Variants in CEP20 observed in about 807,000 individuals in gnomAD.
CEP20 encodes centrosomal protein 20.
Under a neutral mutation model 20.0 loss-of-function variants are expected in CEP20, and 18 were observed. The ratio of observed to expected loss-of-function variants is 0.90; its 90% CI spans 0.62 to 1.34. The LOEUF (loss-of-function observed/expected upper bound fraction) is 1.34, where lower values mean the gene tolerates loss of function less well. Ranked by LOEUF, CEP20 falls within the 40% of genes most tolerant of loss-of-function variation. The pLI, the probability that CEP20 is intolerant of heterozygous loss-of-function variation, is 0.00. For synonymous variants in CEP20, 77 were observed against 73.7 expected (o/e 1.04, Z -0.23); for missense variants, 215 against 201.6 (o/e 1.07, Z -0.40).
intron 1 of CEP20, chr16:15,885,101 T>G (rs75940257): frequency 0.18 from 26,774 of 151,352 alleles, 2,267 homozygotes; most frequent in East Asian, 0.22. Flanking sequence ...ATCAGCAAAT[T>G]GAGACCATCT....
At chr16:15,883,522 T>A (rs1423687583) in intron 2 of CEP20, among the ~76,000 whole-genome samples, 1 of 151,956 alleles carries the variant, frequency 6.6e-6, no homozygotes, top group African/African-American at 2.4e-5. Flanking sequence ...CGTGCCACCA[T>A]GCATGGCTAA....
At chr16:15,879,272 G>GTTT (rs55646344) in intron 3 of CEP20, among the ~76,000 whole-genome samples, 20 of 151,776 alleles carry the variant, frequency 1.3e-4, no homozygotes, top group African/African-American at 4.8e-4. Flanking sequence ...TTTTGTTTTT[G>GTTT]TTTTAGGAGA....
chr16:15,888,371 T>C (rs967975337), intron 1 of CEP20, among the ~76,000 whole-genome samples, 187 bp downstream of exon 1: 5 of 152,170 alleles, frequency 3.3e-5, no homozygotes, highest in Admixed American at 6.5e-5. Flanking sequence ...GGGCAACCTC[T>C]TCCCCATAAG....
Position 15,867,358 on chromosome 16 carries a change from G to A in CEP20, c.*82C>T. On this transcript the variant is annotated 3_prime_UTR_variant, in exon 5 of 5. Transcript: ENST00000255759. ...TCCAATTTCTACAAACATTAGTGGT[G>A]CATTTTGGTAACATTGGGACAATAA... is the stretch of plus-strand genomic sequence containing the variant. The A allele has an allele frequency of 2.0e-6, 2 of 1,016,454 alleles. No individual in the cohort carries two copies. The highest frequency in any genetic ancestry group is 1.4e-6 in the Non-Finnish European group (1 of 726,622). 63.0% of individuals were successfully genotyped at this position (1,016,454 alleles called of 1,614,324 possible). A position where few individuals can be genotyped will look rare whatever the true frequency, so the allele number is the denominator to read the frequency against.
chr16:15,882,194 A>G (rs1313774564), intron 2 of CEP20, among the ~76,000 whole-genome samples: 4 of 152,216 alleles, frequency 2.6e-5, no homozygotes, highest in Admixed American at 6.5e-5. Context: ...CCCAGAAGCT[A>G]AGCAGATGCC....
chr16:15,869,775 T>C (rs762335507), intron 4 of CEP20, among the ~76,000 whole-genome samples: 3 of 152,084 alleles, frequency 2.0e-5, no homozygotes, highest in East Asian at 1.9e-4. Flanking sequence ...TAAGCTAGAG[T>C]TGAGGAAGTA....
Position 15,873,616 on chromosome 16 carries a change from T to C in CEP20, c.323A>G (p.Tyr108Cys). 4 of 1,613,518 alleles carry C rather than the reference T, an allele frequency of 2.5e-6. No homozygotes were observed. The highest frequency in any genetic ancestry group is 3.4e-6 in the Non-Finnish European group (4 of 1,179,706). ...ACGCAAGAAATGGGCTAAAATCCCA[T>C]ATAAAAGAGGTCTATAGCAGGAAGA... is the stretch of plus-strand genomic sequence containing the variant. ...ESKDNTIPLL[Y>C]GILAHFLRGT... The change falls in exon 4 of 5, where the codon TAT (tyrosine) becomes TGT (cysteine). Residue 108 changes from tyrosine (Y) to cysteine (C), a missense_variant. Physicochemically the swap from Tyr to Cys is radical, Grantham distance 194 (BLOSUM62 -2). Coordinates refer to ENST00000255759, the MANE Select transcript of CEP20 (RefSeq NM_144600.4).
chr16:15,886,691 G>A (rs989706531), intron 1 of CEP20, among the ~76,000 whole-genome samples: 2 of 152,074 alleles, frequency 1.3e-5, no homozygotes, highest in African/African-American at 4.8e-5. Flanking sequence ...CAAGTAAGAA[G>A]GAAAAACGTG....
intron 4 of CEP20, among the ~76,000 whole-genome samples, chr16:15,870,194 T>C (rs1464623452): frequency 1.5e-5 from 2 of 132,782 alleles, no homozygotes; most frequent in African/African-American, 2.8e-5. Context: ...TCATGAGCCG[T>C]GAGTATTAAC....
chr16:15,887,219 G>T (rs2045266600), intron 1 of CEP20, among the ~76,000 whole-genome samples: 1 of 152,086 alleles, frequency 6.6e-6, no homozygotes. Flanking sequence ...TAAATCCTCT[G>T]AAAATGTATG....
chr16:15,878,801 A>C (rs1321780170), intron 3 of CEP20, among the ~76,000 whole-genome samples: 1 of 152,116 alleles, frequency 6.6e-6, no homozygotes, highest in Non-Finnish European at 1.5e-5. Flanking sequence ...GTCTGGCTAG[A>C]GATGGGGTTT....
rs760941095 is a variant in CEP20 at position 15,884,212 on chromosome 16, G to T, written c.29-7C>A. ...TCCAAGGTGTCCTTTAAAACTGTTC[G>T]ATATAAAATATTAAGGCTTCAGTTA... On this transcript the variant is annotated splice_region_variant and splice_polypyrimidine_tract_variant and intron_variant, in intron 1 of 4. Coordinates refer to ENST00000255759, the MANE Select transcript of CEP20 (RefSeq NM_144600.4). The T allele has an allele frequency of 3.1e-6, 5 of 1,588,812 alleles. No homozygotes were observed. The highest frequency in any genetic ancestry group is 4.3e-6 in the Non-Finnish European group (5 of 1,164,534).
intron 4 of CEP20, among the ~76,000 whole-genome samples, chr16:15,869,095 A>ATG (rs34963300): frequency 0.26 from 38,741 of 149,998 alleles, 5,139 homozygotes; most frequent in East Asian, 0.39. Flanking sequence ...AAGAAAAAAA[A>ATG]TGTGTGTGTG....
intron 4 of CEP20, among the ~76,000 whole-genome samples, chr16:15,867,938 A>G (rs969350621): frequency 7.0e-6 from 1 of 143,694 alleles, no homozygotes; most frequent in South Asian, 2.2e-4. Flanking sequence ...GTGCCATTTC[A>G]CTCCAGCCTG....
At chr16:15,888,125 T>C (rs2151435675) in intron 1 of CEP20, among the ~76,000 whole-genome samples, 1 of 150,256 alleles carries the variant, frequency 6.7e-6, no homozygotes, top group Admixed American at 6.6e-5. Context: ...AACAGGTTGT[T>C]GTAAGGACCC....
At chr16:15,871,458 T>C (rs924870425) in intron 4 of CEP20, among the ~76,000 whole-genome samples, 58 of 152,282 alleles carry the variant, frequency 3.8e-4, no homozygotes, top group African/African-American at 1.3e-3. Context: ...TTTACTCATG[T>C]ACTTGCACTA....
chr16:15,882,754 T>TCTAC (rs1464519203), intron 2 of CEP20, among the ~76,000 whole-genome samples: 32 of 131,744 alleles, frequency 2.4e-4, no homozygotes, highest in African/African-American at 7.8e-4. Context: ...TATCTATCTA[T>TCTAC]CTATCTATCT....
At chr16:15,877,120 G>C (rs193257469) in intron 3 of CEP20, 1 of 152,344 alleles carries the variant, frequency 6.6e-6, no homozygotes, top group Non-Finnish European at 1.5e-5. Context: ...CCAAAGTGCT[G>C]AGATTACAGG....
intron 3 of CEP20, among the ~76,000 whole-genome samples, chr16:15,876,374 C>T (rs2044948359): frequency 6.6e-6 from 1 of 151,670 alleles, no homozygotes; most frequent in African/African-American, 2.4e-5. Flanking sequence ...ACTTGGGAGG[C>T]TGAGGCAGGA....
Sources: gnomAD v4.1 joint callset for allele counts (sites outside exome capture counted in the v4.1 genomes callset) on GRCh38, gnomAD v4.1.1 for gene constraint, MANE v1.5 for transcripts, NCBI Gene and HGNC (gene_info 2026-07-23, HGNC 2026-07-21) for gene names.